ZBBX: variants seen among roughly 807,000 people sequenced by gnomAD.
ZBBX encodes the protein zinc finger B-box domain-containing protein 1.
Under a neutral mutation model 108.5 loss-of-function variants are expected in ZBBX, and 101 were observed. The ratio of observed to expected loss-of-function variants is 0.93; its 90% CI spans 0.79 to 1.10. The LOEUF (loss-of-function observed/expected upper bound fraction) is 1.10. ZBBX is among the 50% of genes least tolerant of loss of function. The probability of loss-of-function intolerance (pLI) is 0.00; values close to 1 mark genes in which losing one functional copy is unlikely to be tolerated. For synonymous variants in ZBBX, 356 were observed against 323.4 expected (o/e 1.10, Z -1.08); for missense variants, 1,009 against 941.4 (o/e 1.07, Z -0.94).
chr3:167,223,215 CAT>C, the ZBBX span, among the ~76,000 whole-genome samples: 1 of 151,858 alleles, frequency 6.6e-6, no homozygotes, highest in South Asian at 2.1e-4. Context: ...GTCCTCACCC[CAT>C]ACCGATTTCT....
At chr3:167,404,196 C>T (rs547974787) in intron 1 of ZBBX, among the ~76,000 whole-genome samples, 1 of 152,006 alleles carries the variant, frequency 6.6e-6, no homozygotes, top group Non-Finnish European at 1.5e-5. Flanking sequence ...AGAGATATTT[C>T]ATAATGATAA....
chr3:167,327,201 A>C (rs1286204107), intron 11 of ZBBX, among the ~76,000 whole-genome samples: 1 of 151,880 alleles, frequency 6.6e-6, no homozygotes, highest in Non-Finnish European at 1.5e-5. Context: ...AACGCAAATC[A>C]ATTCTCCTCC....
intron 20 of ZBBX, among the ~76,000 whole-genome samples, chr3:167,276,684 A>G (rs1161115635): frequency 2.0e-5 from 3 of 152,232 alleles, no homozygotes; most frequent in Non-Finnish European, 4.4e-5. Flanking sequence ...GATATTATCC[A>G]GGAGAACTTC....
At chr3:167,220,709 G>T in the ZBBX span, among the ~76,000 whole-genome samples, 1 of 151,802 alleles carries the variant, frequency 6.6e-6, no homozygotes, top group East Asian at 1.9e-4. Context: ...AATAAACATA[G>T]TACTAGAAGT....
At chr3:167,237,319 T>C (rs779474205), downstream of ZBBX, among the ~76,000 whole-genome samples, 3 of 151,922 alleles carry the variant, frequency 2.0e-5, no homozygotes, top group Non-Finnish European at 4.4e-5. Flanking sequence ...CATGTGCATG[T>C]CCAGAGGCTG....
At chr3:167,249,311 C>A (rs1305421359) in intron 20 of ZBBX, among the ~76,000 whole-genome samples, 2 of 152,164 alleles carry the variant, frequency 1.3e-5, no homozygotes, top group Non-Finnish European at 2.9e-5. Context: ...GCAATCCAGA[C>A]CTTTGCTGAC....
At chr3:167,287,245 T>A (rs958230364) in intron 19 of ZBBX, among the ~76,000 whole-genome samples, 3 of 152,176 alleles carry the variant, frequency 2.0e-5, no homozygotes, top group Non-Finnish European at 2.9e-5. Flanking sequence ...ATAATTTACA[T>A]ATTCACACAC....
At chr3:167,290,022 G>A (rs1730402957) in intron 18 of ZBBX, among the ~76,000 whole-genome samples, 1 of 152,154 alleles carries the variant, frequency 6.6e-6, no homozygotes, top group Non-Finnish European at 1.5e-5. Context: ...ACCATGGCCA[G>A]ATTGCCTTCT....
the ZBBX span, among the ~76,000 whole-genome samples, chr3:167,185,197 G>GA: frequency 6.6e-6 from 1 of 151,960 alleles, no homozygotes; most frequent in African/African-American, 2.4e-5. Context: ...GCAATAAAAA[G>GA]AAAAAAATAC....
At chr3:167,288,694 T>C (rs1403310273) in intron 19 of ZBBX, among the ~76,000 whole-genome samples, 173 bp downstream of exon 19, 1 of 152,210 alleles carries the variant, frequency 6.6e-6, no homozygotes, top group Non-Finnish European at 1.5e-5. Flanking sequence ...AGCTCACTTG[T>C]TTTTATGCTT....
At chr3:167,319,882 A>G (rs186199840) in intron 12 of ZBBX, among the ~76,000 whole-genome samples, 41 of 152,104 alleles carry the variant, frequency 2.7e-4, no homozygotes, top group African/African-American at 9.9e-4. Context: ...CAAAGGGAGA[A>G]TGGAAATGAA....
intron 5 of ZBBX, among the ~76,000 whole-genome samples, chr3:167,367,816 A>T (rs962946188): frequency 5.3e-5 from 8 of 151,180 alleles, no homozygotes; most frequent in African/African-American, 1.9e-4. Flanking sequence ...CATTTATATT[A>T]TTTTATAACA....
At position 167,313,975 on chromosome 3, in the gene ZBBX, T is replaced by A. The variant is rs1735022939; in HGVS notation, c.1416A>T (p.Lys472Asn). 11 of 1,575,446 alleles carry A rather than the reference T, an allele frequency of 7.0e-6. No homozygotes were observed. Among genetic ancestry groups the A allele is most frequent in the Non-Finnish European group, 9.5e-6 (11 of 1,163,464 alleles). ...NSSTYYKDNS[K>N]AETSNTDFDN... ...ATCCAGCAACAAGAAAAATGTTACC[T>A]TTTGAATTATCTTTATAATAAGTAG... is the stretch of plus-strand genomic sequence containing the variant. The change falls in exon 16 of 22, where the codon AAA (lysine) becomes AAT (asparagine). Residue 472 changes from lysine to asparagine, a missense_variant and splice_region_variant. Transcript: ENST00000675490.
chr3:167,259,056 C>A (rs1724007205), intron 20 of ZBBX, among the ~76,000 whole-genome samples: 1 of 152,116 alleles, frequency 6.6e-6, no homozygotes, highest in Admixed American at 6.5e-5. Context: ...GGTACCAATT[C>A]TTCTTCAAAT....
At chr3:167,369,268 C>T (rs982763585) in intron 4 of ZBBX, among the ~76,000 whole-genome samples, 3 of 152,312 alleles carry the variant, frequency 2.0e-5, no homozygotes, top group African/African-American at 7.2e-5. Flanking sequence ...CTAGCTTTTA[C>T]TATTGTAAGT....
At chr3:167,380,866 G>GCA (rs59349359), upstream of ZBBX, among the ~76,000 whole-genome samples, 20,613 of 141,210 alleles carry the variant, frequency 0.15, 1,481 homozygotes, top group South Asian at 0.2. Context: ...GCAAATATAT[G>GCA]CACACACACA....
At chr3:167,360,153 A>G (rs1032861443) in intron 7 of ZBBX, among the ~76,000 whole-genome samples, 174 bp from the exon 8 acceptor site, 1 of 147,994 alleles carries the variant, frequency 6.8e-6, no homozygotes. Flanking sequence ...ATGTATATAA[A>G]TATATATTAT....
rs574343036 is a variant in ZBBX, at chr3:167,331,028, AG to A, written c.687+2798del. Among the ~76,000 whole-genome samples, 59 of 148,864 alleles carry A rather than the reference AG, an allele frequency of 4.0e-4. No individual in the cohort carries two copies. The East Asian group carries it at 0.011, about 27-fold the overall frequency. Reference sequence around the variant, plus strand: ...AAGGCCACATAAGAACACAGCAAGAAGGCAGCCATCTAAAAGCCAGGAAGTA... The same window carrying A: ...AAGGCCACATAAGAACACAGCAAGAAGCAGCCATCTAAAAGCCAGGAAGTA... On this transcript the variant is annotated intron_variant, in intron 10 of 21. Coordinates refer to ENST00000675490, the MANE Select transcript of ZBBX (RefSeq NM_001199201.2).
chr3:167,366,997 G>A (rs909546258), intron 5 of ZBBX: 12 of 416,100 alleles, frequency 2.9e-5, no homozygotes, highest in African/African-American at 2.3e-4. Flanking sequence ...TATAAGTTAT[G>A]CATATTTTTC....
Sources: gnomAD v4.1 joint callset for allele counts (sites outside exome capture counted in the v4.1 genomes callset) on GRCh38, gnomAD v4.1.1 for gene constraint, MANE v1.5 for transcripts, NCBI Gene and HGNC (gene_info 2026-07-23, HGNC 2026-07-21) for gene names.